MICAL3: variants seen among roughly 807,000 people sequenced by gnomAD.
MICAL3 encodes the protein [F-actin]-monooxygenase MICAL3.
In MICAL3, 62 loss-of-function variants were observed where a neutral mutation model predicts 207.4. The ratio of observed to expected loss-of-function variants is 0.30; its 90% CI spans 0.24 to 0.37. The LOEUF (loss-of-function observed/expected upper bound fraction) is 0.37. Among genes scored for constraint, MICAL3 ranks in the 10% least tolerant of loss-of-function variants. The pLI is 1.00. For synonymous variants in MICAL3, 1,077 were observed against 1,069.3 expected (o/e 1.01, Z -0.14); for missense variants, 2,368 against 2,635.6 (o/e 0.90, Z 2.22).
intron 29 of MICAL3, among the ~76,000 whole-genome samples, chr22:17,791,956 A>G (rs184776976): frequency 4.6e-5 from 7 of 152,366 alleles, no homozygotes; most frequent in Admixed American, 1.3e-4. Flanking sequence ...GAGAAACACT[A>G]GCAGCCCCTG....
chr22:18,004,562 A>G (rs1923257422), intron 1 of MICAL3: 1 of 152,294 alleles, frequency 6.6e-6, no homozygotes, highest in South Asian at 2.1e-4. Flanking sequence ...TGCCCGGCCA[A>G]TATACATTTC....
chr22:17,850,400 G>GTTTTTTTTTTTTTTTTTT (rs565667574), intron 19 of MICAL3, among the ~76,000 whole-genome samples: 2 of 74,418 alleles, frequency 2.7e-5, no homozygotes, highest in Non-Finnish European at 2.6e-5. Context: ...TTTTGAATTA[G>GTTTTTTTTTTTTTTTTTT]TTTTTTTTTT....
intron 19 of MICAL3, among the ~76,000 whole-genome samples, chr22:17,843,971 C>A (rs980604776): frequency 1.3e-5 from 2 of 152,190 alleles, no homozygotes; most frequent in African/African-American, 4.8e-5. Context: ...CTCAGCCTCC[C>A]GAGTAGCTGG....
intron 1 of MICAL3, chr22:18,019,805 G>GTTTTTTT (rs1569169676): frequency 1.6e-5 from 2 of 128,242 alleles, no homozygotes. Flanking sequence ...GAATGCTGCT[G>GTTTTTTT]ATTTTTTTTT....
At chr22:17,878,864 A>T (rs1157956246) in intron 16 of MICAL3, among the ~76,000 whole-genome samples, 1 of 151,976 alleles carries the variant, frequency 6.6e-6, no homozygotes. Context: ...CCTCATTCTC[A>T]TCCCACTGGA....
intron 20 of MICAL3, among the ~76,000 whole-genome samples, chr22:17,836,432 C>T (rs1279937308): frequency 6.6e-6 from 1 of 152,172 alleles, no homozygotes; most frequent in African/African-American, 2.4e-5. Context: ...CACCAGGGTC[C>T]ACACGGAGTC....
At chr22:17,872,110 AG>A in intron 16 of MICAL3, 87 bp from the exon 17 acceptor site, 1 of 1,179,264 alleles carries the variant, frequency 8.5e-7, no homozygotes, top group Non-Finnish European at 1.2e-6. Context: ...GCGAGAGCAA[AG>A]CCAACCCTCA....
intron 20 of MICAL3, among the ~76,000 whole-genome samples, chr22:17,833,236 T>C (rs1174676338): frequency 6.6e-6 from 1 of 152,252 alleles, no homozygotes; most frequent in Non-Finnish European, 1.5e-5. Flanking sequence ...CCAACATTGC[T>C]GCACAAATGG....
chr22:17,987,509 C>A lies in MICAL3; in HGVS notation c.-75+36772G>T, dbSNP rs538284410. 1.2e-4 allele frequency among the ~76,000 whole-genome samples: 18 copies of A among 152,322 alleles called. No individual in the cohort carries two copies. The East Asian group carries it at 3.3e-3, about 28-fold the overall frequency. ...AGGCCACTGCTGGGCCTTCTGCCCC[C>A]TGGGCAGCCTAGCATGCGTGCTGGG... On this transcript the variant is annotated intron_variant, in intron 1 of 31. Transcript: ENST00000441493.
In MICAL3 at chr22:17,863,628, C is replaced by T. The variant is rs534315918; in HGVS notation, c.2605+1271G>A. 1.4e-5 allele frequency: 14 copies of T among 985,458 alleles called. No individual in the cohort carries two copies. The Admixed American group carries it at 4.3e-4, about 30-fold the overall frequency. 61.0% of individuals were successfully genotyped at this position (985,458 alleles called of 1,614,324 possible). A position where few individuals can be genotyped will look rare whatever the true frequency, so the allele number is the denominator to read the frequency against. On this transcript the variant is annotated intron_variant, in intron 19 of 31. Coordinates refer to ENST00000441493, the MANE Select transcript of MICAL3 (RefSeq NM_015241.3). ...AAACTTGCTCAGATGATAATAAGGG[C>T]ACGTGCAGTAGCAGAAGCTGCGTTC...
rs566345742 is a variant in MICAL3 at position 17,818,365 on chromosome 22, C to T, written c.4296G>A (p.Gly1432=). 2 of 1,601,840 alleles carry T rather than the reference C, an allele frequency of 1.2e-6. No homozygotes were observed. Among genetic ancestry groups the T allele is most frequent in the African/African-American group, 1.3e-5 (1 of 74,850 alleles). The part of the protein sequence containing the change: ...LSSSSGLGLH[G]SSSNMKTLGS... ...CCAGTGTCTTCATGTTGGAGGAGCT[C>T]CCGTGCAGGCCCAGGCCAGAGCTGC... Residue 1432 remains glycine, a synonymous_variant, in exon 26 of 32, where the codon GGG becomes GGA. Coordinates refer to ENST00000441493, the MANE Select transcript of MICAL3 (RefSeq NM_015241.3).
At chr22:17,907,106 GCAGACA>G (rs1207766134) in intron 1 of MICAL3, among the ~76,000 whole-genome samples, 1 of 152,180 alleles carries the variant, frequency 6.6e-6, no homozygotes, top group Admixed American at 6.5e-5. Context: ...AGGAGACGAG[GCAGACA>G]CAGACACAGA....
chr22:17,837,314 G>A (rs371295779), intron 20 of MICAL3, among the ~76,000 whole-genome samples: 11 of 152,340 alleles, frequency 7.2e-5, no homozygotes, highest in South Asian at 6.2e-4. Flanking sequence ...CTGAAAGAGC[G>A]GCCTTCTCTC....
At chr22:17,978,400 A>G (rs9605467) in intron 1 of MICAL3, among the ~76,000 whole-genome samples, 40,836 of 152,042 alleles carry the variant, frequency 0.27, 5,898 homozygotes, top group African/African-American at 0.37. Context: ...TGGAGAAGGT[A>G]ACAGTAACTC....
intron 1 of MICAL3, among the ~76,000 whole-genome samples, chr22:17,951,112 G>C (rs1934328048): frequency 6.6e-6 from 1 of 152,176 alleles, no homozygotes. Flanking sequence ...TTCCTCCACT[G>C]TCTCAAAGTG....
chr22:17,808,760 G>T, intron 29 of MICAL3, 84 bp downstream of exon 29: 4 of 1,121,926 alleles, frequency 3.6e-6, no homozygotes, highest in Non-Finnish European at 5.2e-6. Flanking sequence ...CTGAATTCCA[G>T]GTGAGGTGAA....
intron 1 of MICAL3, among the ~76,000 whole-genome samples, chr22:18,016,285 G>GT (rs1307510259): frequency 6.6e-6 from 1 of 152,192 alleles, no homozygotes; most frequent in African/African-American, 2.4e-5. Flanking sequence ...ACATATCAAT[G>GT]TTTTGTTCAT....
chr22:17,996,952 T>C (rs1235040990), intron 1 of MICAL3, among the ~76,000 whole-genome samples: 2 of 151,622 alleles, frequency 1.3e-5, no homozygotes, highest in East Asian at 3.9e-4. Flanking sequence ...GCCTGGACAC[T>C]AAAGATGGCC....
rs796191718 is a variant in MICAL3, at chr22:17,877,574, T to G, written c.2242-5551A>C. On this transcript the variant is annotated intron_variant, in intron 16 of 31. Transcript: ENST00000441493. ...GGGAGGTTATGGAGGTTAGGGAGGTTAGGGAAGTTATGGAGGTTAGGGAGG... is the reference window on the plus strand; with the variant it reads ...GGGAGGTTATGGAGGTTAGGGAGGTGAGGGAAGTTATGGAGGTTAGGGAGG... Among the ~76,000 whole-genome samples the G allele has an allele frequency of 1.1e-3, 142 of 130,080 alleles. 2 individuals carry two copies. The highest frequency in any genetic ancestry group is 2.6e-3 in the South Asian group (11 of 4,224). The allele number at this position is 130,080 out of a possible 152,430, so 85.3% of individuals were successfully genotyped here.
Sources: gnomAD v4.1 joint callset for allele counts (sites outside exome capture counted in the v4.1 genomes callset) on GRCh38, gnomAD v4.1.1 for gene constraint, MANE v1.5 for transcripts, NCBI Gene and HGNC (gene_info 2026-07-23, HGNC 2026-07-21) for gene names.